The following CAST variants were observed in gnomAD, a reference collection of about 807,000 sequenced individuals.
CAST encodes calpastatin.
A neutral mutation model predicts 119.6 loss-of-function variants in CAST; 76 were observed. The ratio of observed to expected loss-of-function variants is 0.64; its 90% CI spans 0.53 to 0.77. CAST has a LOEUF of 0.77. Ranked by LOEUF, CAST falls within the 30% of genes least tolerant of loss-of-function variation. CAST has a pLI of 0.00. For synonymous variants in CAST, 319 were observed against 331.6 expected, an observed-to-expected ratio of 0.96 and a Z score of 0.41; for missense variants, 953 against 946.5, an observed-to-expected ratio of 1.01 and a Z score of -0.09.
At chr5:96,215,551 G>A in the CAST span, 14 of 152,150 alleles carry the variant, frequency 9.2e-5, no homozygotes, top group African/African-American at 2.4e-4. Context: ...CTTGAAGAAC[G>A]TGGGTCTGAA....
chr5:96,266,643 AAG>A, the CAST span, among the ~76,000 whole-genome samples: 1 of 152,220 alleles, frequency 6.6e-6, no homozygotes, highest in Non-Finnish European at 1.5e-5. Flanking sequence ...TAAAGAAAAA[AAG>A]AGAAAGATAA....
intron 1 of CAST, among the ~76,000 whole-genome samples, chr5:96,644,512 T>C (rs1278872294): frequency 6.6e-6 from 1 of 152,236 alleles, no homozygotes; most frequent in Non-Finnish European, 1.5e-5. Flanking sequence ...TTGTTTTTCT[T>C]ATAACAGTTT....
chr5:96,499,159 A>C, the CAST span, among the ~76,000 whole-genome samples: 3 of 152,228 alleles, frequency 2.0e-5, no homozygotes, highest in Non-Finnish European at 4.4e-5. Flanking sequence ...TCTTAACCAC[A>C]CCTGCTAAAC....
chr5:96,640,212 T>G (rs1178661755), intron 1 of CAST, among the ~76,000 whole-genome samples: 1 of 152,140 alleles, frequency 6.6e-6, no homozygotes, highest in African/African-American at 2.4e-5. Flanking sequence ...GAGAATACAT[T>G]TAGGCCACAG....
At position 96,695,853 on chromosome 5, in the gene CAST, C is replaced by T. The variant is rs140456913; in HGVS notation, c.156C>T (p.Leu52=). 1.7e-5 allele frequency: 28 copies of T among 1,612,488 alleles called. No individual in the cohort carries two copies. The African/African-American group carries it at 2.4e-4, about 14-fold the overall frequency. The part of the protein sequence containing the change: ...KGSDEKKAAS[L]GSSQSSRTYA... ...TTTTCAAGAAAAAAGCAGCAAGCCTCGGCAGCAGTCAATCCTCCAGAACCT... is the reference window on the plus strand; with the variant it reads ...TTTTCAAGAAAAAAGCAGCAAGCCTTGGCAGCAGTCAATCCTCCAGAACCT... The change falls in exon 3 of 32, where the codon CTC becomes CTT. Residue 52 remains leucine (L), a synonymous_variant. Transcript: ENST00000675179.
the CAST span, among the ~76,000 whole-genome samples, chr5:96,478,898 A>T: frequency 3.3e-5 from 5 of 152,218 alleles, no homozygotes; most frequent in African/African-American, 1.2e-4. Context: ...TTACATAGGG[A>T]GCGCACTGGC....
the CAST span, among the ~76,000 whole-genome samples, chr5:96,157,321 G>T: frequency 6.6e-6 from 1 of 152,208 alleles, no homozygotes; most frequent in African/African-American, 2.4e-5. Flanking sequence ...TGATTTCTAA[G>T]ATCCTCCAGC....
At chr5:96,215,705 T>C in the CAST span, among the ~76,000 whole-genome samples, 4 of 152,132 alleles carry the variant, frequency 2.6e-5, no homozygotes, top group African/African-American at 4.8e-5. Context: ...TCTTCCTCCT[T>C]CTTCTCAATC....
the CAST span, among the ~76,000 whole-genome samples, chr5:96,276,893 G>A: frequency 2.0e-5 from 3 of 152,148 alleles, no homozygotes. Context: ...ATGTTCATGA[G>A]CATATATATT....
chr5:95,977,109 C>T, the CAST span, among the ~76,000 whole-genome samples: 2 of 152,094 alleles, frequency 1.3e-5, no homozygotes, highest in East Asian at 1.9e-4. Context: ...TAATAGCTGC[C>T]GTATTTTGAG....
At chr5:96,745,050 C>A (rs1227954365) in intron 16 of CAST, among the ~76,000 whole-genome samples, 3 of 152,120 alleles carry the variant, frequency 2.0e-5, no homozygotes, top group Admixed American at 6.6e-5. Context: ...AATAAAAGCT[C>A]TGGCCGCATG....
chr5:96,053,894 C>G, the CAST span, among the ~76,000 whole-genome samples: 1 of 152,212 alleles, frequency 6.6e-6, no homozygotes, highest in African/African-American at 2.4e-5. Context: ...CCTATGGCAT[C>G]AGGATGCCTC....
chr5:96,463,453 A>C, the CAST span, among the ~76,000 whole-genome samples: 1 of 152,120 alleles, frequency 6.6e-6, no homozygotes. Context: ...ACCACATTGC[A>C]GGGAAAACAC....
chr5:96,209,535 G>A, the CAST span, among the ~76,000 whole-genome samples: 2 of 151,958 alleles, frequency 1.3e-5, no homozygotes, highest in Admixed American at 6.6e-5. Context: ...TTTAGTGTTT[G>A]CTTGTCTGAA....
At chr5:96,689,823 A>G (rs1223384041) in intron 2 of CAST, among the ~76,000 whole-genome samples, 1 of 152,064 alleles carries the variant, frequency 6.6e-6, no homozygotes, top group Non-Finnish European at 1.5e-5. Flanking sequence ...TCTTACTTCT[A>G]TTGTCATTTT....
intron 9 of CAST, among the ~76,000 whole-genome samples, 178 bp downstream of exon 9, chr5:96,731,038 G>A (rs1760373257): frequency 6.6e-6 from 1 of 152,150 alleles, no homozygotes; most frequent in Non-Finnish European, 1.5e-5. Context: ...AAAATAATTT[G>A]TAAATTTATA....
At chr5:96,045,219 G>A in the CAST span, among the ~76,000 whole-genome samples, 7 of 152,098 alleles carry the variant, frequency 4.6e-5, no homozygotes, top group East Asian at 1.9e-4. Flanking sequence ...TGGGCATGGC[G>A]GCAGGCGCCT....
At chr5:96,332,496 A>T in the CAST span, among the ~76,000 whole-genome samples, 1 of 152,312 alleles carries the variant, frequency 6.6e-6, no homozygotes, top group South Asian at 2.1e-4. Context: ...GATGATAAAA[A>T]TATATTAAAA....
the CAST span, among the ~76,000 whole-genome samples, chr5:96,163,246 T>C: frequency 6.6e-6 from 1 of 152,206 alleles, no homozygotes; most frequent in East Asian, 1.9e-4. Context: ...TCTGCTTTCA[T>C]TCCTGATTTT....
Sources: gnomAD v4.1 joint callset for allele counts (sites outside exome capture counted in the v4.1 genomes callset) on GRCh38, gnomAD v4.1.1 for gene constraint, MANE v1.5 for transcripts, NCBI Gene and HGNC (gene_info 2026-07-23, HGNC 2026-07-21) for gene names.